Variants in SAMM50 observed in about 807,000 individuals in gnomAD.
SAMM50 encodes SAMM50 sorting and assembly machinery component.
SAMM50 carries 47 observed loss-of-function variants against 66.9 expected under a neutral mutation model. The observed-to-expected ratio is 0.70, with a 90% CI of 0.56 to 0.90. The LOEUF (loss-of-function observed/expected upper bound fraction) is 0.90, where lower values mean the gene tolerates loss of function less well. Ranked by LOEUF, SAMM50 falls within the 40% of genes least tolerant of loss-of-function variation. The pLI is 0.00. For missense variants in SAMM50, 535 were observed against 595.3 expected, an observed-to-expected ratio of 0.90 and a Z score of 1.05; for synonymous variants, 191 against 214.1, an observed-to-expected ratio of 0.89 and a Z score of 0.94.
At chr22:43,978,343 G>A (rs150326701) in intron 10 of SAMM50, among the ~76,000 whole-genome samples, 1,471 of 145,894 alleles carry the variant, frequency 0.01, 25 homozygotes, top group African/African-American at 0.035. Context: ...GCTGAGACAG[G>A]AGAATGGCAT....
At chr22:43,974,177 G>C (rs1008568112) in intron 7 of SAMM50, among the ~76,000 whole-genome samples, 7 of 152,144 alleles carry the variant, frequency 4.6e-5, no homozygotes, top group African/African-American at 1.7e-4. Context: ...CTGTGGGCTT[G>C]TTAGAAATGC....
chr22:43,978,161 T>C (rs1045166388), intron 10 of SAMM50, among the ~76,000 whole-genome samples: 4 of 152,076 alleles, frequency 2.6e-5, no homozygotes, highest in African/African-American at 9.7e-5. Context: ...TAACCTCTGA[T>C]GGCCGGGCGC....
At position 43,955,467 on chromosome 22, in the gene SAMM50, G is replaced by T. The variant is rs553410632; in HGVS notation, c.-111G>T. On this transcript the variant is annotated 5_prime_UTR_variant, in exon 1 of 15. Coordinates refer to ENST00000350028, the MANE Select transcript of SAMM50 (RefSeq NM_015380.5). ...AGTGTTCCGCGTCCGGGGGTTTGTG[G>T]GAGTTGCCTTGACCTGCAGCTCCGC... 12 of 1,273,612 alleles carry T rather than the reference G, an allele frequency of 9.4e-6. No individual in the cohort carries two copies. 78.9% of individuals were successfully genotyped at this position (1,273,612 alleles called of 1,614,324 possible). A position where few individuals can be genotyped will look rare whatever the true frequency, so the allele number is the denominator to read the frequency against.
intron 9 of SAMM50, among the ~76,000 whole-genome samples, chr22:43,977,467 G>A (rs539848710): frequency 2.6e-5 from 4 of 152,346 alleles, no homozygotes; most frequent in East Asian, 1.9e-4. Context: ...GCAAAAGCCC[G>A]GGGGTGCCTG....
Position 43,990,319 on chromosome 22 carries a change from A to G in SAMM50, c.1277A>G (p.Tyr426Cys), listed in dbSNP as rs150932882. Residue 426 changes from tyrosine (Y) to cysteine (C), a missense_variant, in exon 14 of 15, where the codon TAC (tyrosine) becomes TGC (cysteine). By Grantham distance (194) the Tyr-to-Cys change is radical. Transcript: ENST00000350028. ...RKLAECIRWS[Y>C]GAGIVLRLGN... ...CTGGCTGAGTGCATCCGCTGGTCGT[A>G]CGGGGCCGGGATTGTCCTCAGGCTT... 2.2e-4 allele frequency: 357 copies of G among 1,614,172 alleles called. 1 individual carries two copies. Among genetic ancestry groups the G allele is most frequent in the Admixed American group, 1.1e-3 (67 of 60,016 alleles).
At chr22:43,969,947 C>A (rs1172162048) in intron 4 of SAMM50, among the ~76,000 whole-genome samples, 2 of 152,158 alleles carry the variant, frequency 1.3e-5, no homozygotes, top group Non-Finnish European at 2.9e-5. Flanking sequence ...TGGAATGAAT[C>A]TGTGAATGAG....
chr22:43,982,098 CA>C (rs1161465305), intron 11 of SAMM50, among the ~76,000 whole-genome samples: 1 of 151,932 alleles, frequency 6.6e-6, no homozygotes, highest in African/African-American at 2.4e-5. Flanking sequence ...TCCTCTAGGG[CA>C]AAAAAACTTT....
chr22:43,979,535 T>C (rs1430693292), intron 10 of SAMM50, among the ~76,000 whole-genome samples: 1 of 152,180 alleles, frequency 6.6e-6, no homozygotes, highest in African/African-American at 2.4e-5. Flanking sequence ...TGAACCAATG[T>C]CGCGTTCTGA....
At chr22:43,956,075 C>T (rs1026649935) in intron 1 of SAMM50, among the ~76,000 whole-genome samples, 8 of 152,172 alleles carry the variant, frequency 5.3e-5, no homozygotes, top group Non-Finnish European at 8.8e-5. Context: ...GAACCGCTCT[C>T]TGCCTTACTT....
intron 10 of SAMM50, among the ~76,000 whole-genome samples, chr22:43,979,574 C>A (rs577918824): frequency 6.6e-6 from 1 of 152,244 alleles, no homozygotes; most frequent in Non-Finnish European, 1.5e-5. Context: ...CTACTCCCTG[C>A]CTTCCCCTTC....
chr22:43,977,853 G>A lies in SAMM50; in HGVS notation c.850-19G>A, dbSNP rs752358577. ...TAAGTCTGTTTGCTCCCTTTGACCT[G>A]AGTGCTCCTTCCCTGCAGGAACTGG... is the stretch of plus-strand genomic sequence containing the variant. On this transcript the variant is annotated intron_variant, in intron 9 of 14. Coordinates refer to ENST00000350028, the MANE Select transcript of SAMM50 (RefSeq NM_015380.5). 6.3e-7 allele frequency: 1 copy of A among 1,589,766 alleles called. No individual in the cohort carries two copies. Among genetic ancestry groups the A allele is most frequent in the Non-Finnish European group, 8.6e-7 (1 of 1,158,404 alleles).
At chr22:43,958,601 C>T (rs955855185) in intron 1 of SAMM50, among the ~76,000 whole-genome samples, 5 of 151,596 alleles carry the variant, frequency 3.3e-5, no homozygotes, top group Non-Finnish European at 5.9e-5. Flanking sequence ...GCCTCAGCCT[C>T]CCGAGTAGCT....
At chr22:43,986,816 G>A (rs1427607681) in intron 12 of SAMM50, 1 of 152,154 alleles carries the variant, frequency 6.6e-6, no homozygotes, top group Non-Finnish European at 1.5e-5. Flanking sequence ...GCCCCCCAAA[G>A]TGCTCATATT....
Position 43,983,911 on chromosome 22 carries a change from C to T in SAMM50, c.1008-22C>T. ...TTCTCACCTCCTGACTTTCCTCTGACCTGTGTGCTGTTTTGTCCTAGGTTT... is the reference window on the plus strand; with the variant it reads ...TTCTCACCTCCTGACTTTCCTCTGATCTGTGTGCTGTTTTGTCCTAGGTTT... On this transcript the variant is annotated intron_variant, in intron 11 of 14. Coordinates refer to ENST00000350028, the MANE Select transcript of SAMM50 (RefSeq NM_015380.5). This position sits in a 1 kb window ranked among gnomAD's most constrained non-coding sequence, Gnocchi z 4.2. 6.3e-7 allele frequency: 1 copy of T among 1,583,768 alleles called. No homozygotes were observed. The highest frequency in any genetic ancestry group is 8.6e-7 in the Non-Finnish European group (1 of 1,158,878).
At chr22:43,969,038 G>A (rs995945134) in intron 4 of SAMM50, among the ~76,000 whole-genome samples, 1 of 152,172 alleles carries the variant, frequency 6.6e-6, no homozygotes, top group Admixed American at 6.5e-5. Context: ...GCCCAGGCTG[G>A]TCTGGAACTC....
At chr22:43,992,743 G>C (rs2050331813) in intron 14 of SAMM50, among the ~76,000 whole-genome samples, 1 of 152,246 alleles carries the variant, frequency 6.6e-6, no homozygotes, top group African/African-American at 2.4e-5. Flanking sequence ...CGCCTGGCCT[G>C]GGGTTGGGAA....
Position 43,972,150 on chromosome 22 carries a change from A to C in SAMM50, c.323-86A>C, listed in dbSNP as rs918235695. On this transcript the variant is annotated intron_variant, in intron 4 of 14. Transcript: ENST00000350028. ...AGATTGTAAAATAGAATGAACCTTC[A>C]GATTGCTTTTTGTCTTTTTTAGCAA... The C allele has an allele frequency of 8.7e-6, 6 of 689,070 alleles. No homozygotes were observed. In the South Asian group the frequency reaches 1.2e-4, roughly 14 times the overall value. 42.7% of individuals were successfully genotyped at this position (689,070 alleles called of 1,614,324 possible).
chr22:43,987,688 C>T (rs573004747), intron 12 of SAMM50: 3 of 152,208 alleles, frequency 2.0e-5, no homozygotes, highest in South Asian at 2.1e-4. Context: ...TAAAAAAATA[C>T]ATGTTTGTGC....
chr22:43,956,000 T>G (rs2050117451), intron 1 of SAMM50, among the ~76,000 whole-genome samples: 1 of 152,210 alleles, frequency 6.6e-6, no homozygotes, highest in Non-Finnish European at 1.5e-5. Context: ...CAAGAATCCT[T>G]TGAAGTCTTC....
Sources: allele counts gnomAD v4.1 joint callset (sites outside exome capture counted in the v4.1 genomes callset), GRCh38; gene constraint gnomAD v4.1.1; non-coding constraint Gnocchi (gnomAD v3.1); transcripts MANE v1.5; gene names NCBI Gene and HGNC (gene_info 2026-07-23, HGNC 2026-07-21).